Variants in NRG3 observed in about 807,000 individuals in gnomAD.
The protein encoded by NRG3 is pro-neuregulin-3, membrane-bound isoform.
In NRG3, 31 loss-of-function variants were observed where a neutral mutation model predicts 66.9. The ratio of observed to expected loss-of-function variants is 0.46; its 90% CI spans 0.35 to 0.63. NRG3 has a LOEUF of 0.63. Ranked by LOEUF, NRG3 falls within the 20% of genes least tolerant of loss-of-function variation. The probability of loss-of-function intolerance (pLI) is 0.00; values close to 1 mark genes in which losing one functional copy is unlikely to be tolerated. For missense variants in NRG3, 910 were observed against 878.9 expected (o/e 1.04, Z -0.45); for synonymous variants, 393 against 359.4 (o/e 1.09, Z -1.06).
chr10:82,425,005 G>GAAATAC (rs2089329937), intron 2 of NRG3, among the ~76,000 whole-genome samples: 1 of 151,918 alleles, frequency 6.6e-6, no homozygotes, highest in African/African-American at 2.4e-5. Flanking sequence ...TATGTATATT[G>GAAATAC]AAATACAAAT....
At chr10:82,409,976 G>A (rs904549850) in intron 2 of NRG3, among the ~76,000 whole-genome samples, 5 of 152,044 alleles carry the variant, frequency 3.3e-5, no homozygotes, top group African/African-American at 9.7e-5. Context: ...CTGAGCAAGC[G>A]CCCCAAGAGA....
intron 1 of NRG3, among the ~76,000 whole-genome samples, chr10:81,912,848 C>T (rs1055344621): frequency 2.0e-5 from 3 of 152,118 alleles, no homozygotes; most frequent in African/African-American, 7.2e-5. Flanking sequence ...AGAAGGTGGG[C>T]AGGGATCAGA....
At position 82,240,117 on chromosome 10, in the gene NRG3, G is replaced by A. The variant is rs540350407; in HGVS notation, c.824-118622G>A. Among the ~76,000 whole-genome samples the A allele has an allele frequency of 3.3e-5, 5 of 151,918 alleles. No individual in the cohort carries two copies. In the East Asian group the frequency reaches 7.7e-4, roughly 24 times the overall value. ...TTTTCTGCTTTAGCCTAGAGTTCTC[G>A]TTGGAACTGACATGACATAGGATTT... On this transcript the variant is annotated intron_variant, in intron 1 of 8. Transcript: ENST00000372141.
intron 3 of NRG3, among the ~76,000 whole-genome samples, chr10:82,743,753 G>T (rs2058528674): frequency 6.6e-6 from 1 of 152,040 alleles, no homozygotes; most frequent in South Asian, 2.1e-4. Context: ...GCCAATGTAG[G>T]GCCAGGAGCC....
At chr10:81,931,666 A>T (rs373421799) in intron 1 of NRG3, among the ~76,000 whole-genome samples, 2 of 152,254 alleles carry the variant, frequency 1.3e-5, no homozygotes, top group African/African-American at 4.8e-5. Context: ...TCTTTTTACT[A>T]TTCATTCTCT....
intron 1 of NRG3, among the ~76,000 whole-genome samples, chr10:81,937,350 G>A (rs1048689738): frequency 1.7e-4 from 26 of 151,952 alleles, no homozygotes; most frequent in Admixed American, 1.3e-3. Context: ...AAGAACCTCC[G>A]TATGTTTCCA....
At chr10:82,704,409 A>C (rs2056134887) in intron 2 of NRG3, among the ~76,000 whole-genome samples, 1 of 152,212 alleles carries the variant, frequency 6.6e-6, no homozygotes, top group Non-Finnish European at 1.5e-5. Context: ...CTAACTATAA[A>C]TCTACCAGAC....
At chr10:82,723,134 CAGCCA>C (rs1175269549) in intron 2 of NRG3, among the ~76,000 whole-genome samples, 9 of 152,136 alleles carry the variant, frequency 5.9e-5, no homozygotes, top group Non-Finnish European at 1.2e-4. Context: ...GAATACTACA[CAGCCA>C]TAAAAAGAAT....
chr10:82,607,676 C>A (rs1324483498), intron 2 of NRG3, among the ~76,000 whole-genome samples: 2 of 151,906 alleles, frequency 1.3e-5, no homozygotes, highest in African/African-American at 2.4e-5. Context: ...TCTGCCTTCT[C>A]TGGTTTTAAC....
chr10:82,834,482 A>G (rs2062680544), intron 3 of NRG3, among the ~76,000 whole-genome samples: 1 of 152,190 alleles, frequency 6.6e-6, no homozygotes, highest in African/African-American at 2.4e-5. Flanking sequence ...GTAACAGCGA[A>G]TTGCAAATAA....
intron 3 of NRG3, among the ~76,000 whole-genome samples, chr10:82,821,859 A>G (rs1416290962): frequency 6.6e-6 from 1 of 152,196 alleles, no homozygotes; most frequent in East Asian, 1.9e-4. Context: ...TGTATAATTG[A>G]ACCTTCCACT....
At chr10:82,182,330 T>C (rs535582637) in intron 1 of NRG3, among the ~76,000 whole-genome samples, 141 of 151,840 alleles carry the variant, frequency 9.3e-4, no homozygotes, top group African/African-American at 3.2e-3. Context: ...CCTCTTTGTC[T>C]CTTTTGATAT....
intron 1 of NRG3, among the ~76,000 whole-genome samples, chr10:82,143,777 C>G (rs543929102): frequency 6.6e-6 from 1 of 152,184 alleles, no homozygotes; most frequent in East Asian, 1.9e-4. Context: ...CGCCTGTTAT[C>G]CCAGCACTTT....
intron 2 of NRG3, among the ~76,000 whole-genome samples, chr10:82,591,651 T>C (rs1251519307): frequency 6.6e-6 from 1 of 152,228 alleles, no homozygotes; most frequent in Non-Finnish European, 1.5e-5. Flanking sequence ...CTTAGCCTTA[T>C]GTTTAAAATT....
At chr10:82,359,034 T>G (rs1945792184) in intron 2 of NRG3, among the ~76,000 whole-genome samples, 166 bp downstream of exon 2, 1 of 152,202 alleles carries the variant, frequency 6.6e-6, no homozygotes, top group African/African-American at 2.4e-5. Context: ...CTGCTGCCTC[T>G]TTAACAGTGG....
intron 2 of NRG3, among the ~76,000 whole-genome samples, chr10:82,520,551 C>G (rs910924241): frequency 1.3e-5 from 2 of 152,152 alleles, no homozygotes; most frequent in Non-Finnish European, 2.9e-5. Flanking sequence ...GTCTGTATAA[C>G]TTGCCCCTGG....
intron 1 of NRG3, among the ~76,000 whole-genome samples, chr10:82,262,645 C>T (rs1460448757): frequency 6.6e-6 from 1 of 152,204 alleles, no homozygotes; most frequent in Non-Finnish European, 1.5e-5. Context: ...CATCTGTGAA[C>T]TCCTTACTTG....
At chr10:82,683,022 G>A (rs1028732422) in intron 2 of NRG3, among the ~76,000 whole-genome samples, 5 of 125,156 alleles carry the variant, frequency 4.0e-5, no homozygotes, top group African/African-American at 1.2e-4. Context: ...GCAGTGGCAC[G>A]ATCTCAGCTC....
chr10:82,551,606 G>GTT lies in NRG3; in HGVS notation c.954-186961_954-186960dup, dbSNP rs773523337. ...GTTTTTATTTTTATTTTAAAATACTGTTTTTTTTTTTAAATCAGATACATG... is the reference window on the plus strand; with the variant it reads ...GTTTTTATTTTTATTTTAAAATACTGTTTTTTTTTTTTTAAATCAGATACATG... On this transcript the variant is annotated intron_variant, in intron 2 of 8. Transcript: ENST00000372141. Among the ~76,000 whole-genome samples the GTT allele has an allele frequency of 6.9e-3, 1,019 of 146,802 alleles. 11 individuals carry two copies. The highest frequency in any genetic ancestry group is 0.023 in the African/African-American group (904 of 40,030).
Sources: gnomAD v4.1 joint callset for allele counts (sites outside exome capture counted in the v4.1 genomes callset) on GRCh38, gnomAD v4.1.1 for gene constraint, MANE v1.5 for transcripts, NCBI Gene and HGNC (gene_info 2026-07-23, HGNC 2026-07-21) for gene names.